Variants in CYP4B1 observed in about 807,000 individuals in gnomAD.
CYP4B1 encodes the protein cytochrome P450 4B1.
Under a neutral mutation model 54.0 loss-of-function variants are expected in CYP4B1, and 45 were observed. The ratio of observed to expected loss-of-function variants is 0.83; its 90% CI spans 0.66 to 1.07. The LOEUF is 1.07. CYP4B1 is among the 50% of genes least tolerant of loss of function. The pLI, the probability that CYP4B1 is intolerant of heterozygous loss-of-function variation, is 0.00. For missense variants in CYP4B1, 656 were observed against 655.4 expected (o/e 1.00, Z -0.01); for synonymous variants, 248 against 247.5 (o/e 1.00, Z -0.02).
At position 46,817,036 on chromosome 1, in the gene CYP4B1, T is replaced by C. The variant is rs1679361324; in HGVS notation, c.1074-12T>C. On this transcript the variant is annotated splice_polypyrimidine_tract_variant and intron_variant, in intron 8 of 11. Transcript: ENST00000371923. ...TCCCATTCCAAGAATGTTCTGGTTG[T>C]GTTGCTGGCAGGGATGATCTGGGCA... is the stretch of plus-strand genomic sequence containing the variant. 6.2e-7 allele frequency: 1 copy of C among 1,613,304 alleles called. No homozygotes were observed. The highest frequency in any genetic ancestry group is 8.5e-7 in the Non-Finnish European group (1 of 1,179,396).
At chr1:46,800,618 C>T (rs914262946) in intron 1 of CYP4B1, among the ~76,000 whole-genome samples, 3 of 152,142 alleles carry the variant, frequency 2.0e-5, no homozygotes, top group Non-Finnish European at 4.4e-5. Context: ...GTGTGAGCCA[C>T]CGCGCCTGGC....
intron 4 of CYP4B1, 65 bp from the exon 5 acceptor site, chr1:46,813,417 G>T: frequency 6.2e-7 from 1 of 1,608,142 alleles, no homozygotes. Flanking sequence ...GGGCAGCTTG[G>T]GGCATCCAGC....
intron 1 of CYP4B1, among the ~76,000 whole-genome samples, chr1:46,800,596 C>A (rs1678618143): frequency 6.6e-6 from 1 of 152,060 alleles, no homozygotes; most frequent in Non-Finnish European, 1.5e-5. Flanking sequence ...TCCCAAAGTG[C>A]TGGGATTATA....
chr1:46,806,358 G>A (rs1308251448), intron 1 of CYP4B1, among the ~76,000 whole-genome samples: 1 of 152,192 alleles, frequency 6.6e-6, no homozygotes, highest in East Asian at 1.9e-4. Flanking sequence ...GCAGCCCCCT[G>A]GGGCACTGTA....
Position 46,818,722 on chromosome 1 carries a change from C to T in CYP4B1, c.1447C>T (p.Arg483Trp), listed in dbSNP as rs780850977. 2.6e-5 allele frequency: 42 copies of T among 1,614,062 alleles called. No homozygotes were observed. Among genetic ancestry groups the T allele is most frequent in the South Asian group, 1.4e-4 (13 of 91,084 alleles). Residue 483 changes from arginine to tryptophan, a missense_variant, in exon 12 of 12, where the codon CGG becomes TGG. Arg to Trp is a moderately radical substitution (Grantham distance 101). Transcript: ENST00000371923. Reference protein sequence around the residue: ...LRFEFSLDPSRLPIKMPQLVL... With the variant: ...LRFEFSLDPSWLPIKMPQLVL... ...CTTTGAGTTCTCTCTGGACCCCTCA[C>T]GGCTGCCCATCAAGATGCCCCAGCT...
intron 1 of CYP4B1, among the ~76,000 whole-genome samples, chr1:46,800,719 A>G (rs1184213036): frequency 6.6e-6 from 1 of 152,114 alleles, no homozygotes; most frequent in Non-Finnish European, 1.5e-5. Context: ...GGATGGGGGC[A>G]CTGCTTCTCT....
intron 8 of CYP4B1, 97 bp from the exon 9 acceptor site, chr1:46,816,948 TGTG>T: frequency 1.4e-5 from 19 of 1,355,710 alleles, no homozygotes; most frequent in Admixed American, 1.8e-5. Flanking sequence ...CTCTTGAGTG[TGTG>T]GTGGTGGTGA....
intron 1 of CYP4B1, among the ~76,000 whole-genome samples, chr1:46,802,815 C>T (rs557153240): frequency 3.3e-5 from 5 of 152,086 alleles, no homozygotes; most frequent in African/African-American, 7.2e-5. Flanking sequence ...CCCCTCTCGG[C>T]GTGGGGAGTC....
chr1:46,813,510 G>A lies in CYP4B1; in HGVS notation c.524G>A (p.Gly175Asp). 6.2e-7 allele frequency: 1 copy of A among 1,614,178 alleles called. No homozygotes were observed. Among genetic ancestry groups the A allele is most frequent in the Non-Finnish European group, 8.5e-7 (1 of 1,180,038 alleles). Residue 175 changes from glycine to aspartate, a missense_variant, in exon 5 of 12, where the codon GGT becomes GAT. Coordinates refer to ENST00000371923, the MANE Select transcript of CYP4B1 (RefSeq NM_001099772.2). ...AAGTGGGAAGAGAAAGCTCGGGAGG[G>A]TAAGTCCTTTGACATCTTCTGCGAT... ...LDKWEEKARE[G>D]KSFDIFCDVG...
Position 46,818,758 on chromosome 1 carries a change from T to C in CYP4B1, c.1483T>C (p.Ser495Pro). The change falls in exon 12 of 12, where the codon TCC (serine) becomes CCC (proline). Residue 495 changes from serine to proline, a missense_variant. Coordinates refer to ENST00000371923, the MANE Select transcript of CYP4B1 (RefSeq NM_001099772.2). Reference protein sequence around the residue: ...PIKMPQLVLRSKNGFHLHLKP... With the variant: ...PIKMPQLVLRPKNGFHLHLKP... Reference sequence around the variant, plus strand: ...CAAGATGCCCCAGCTTGTCCTGCGCTCCAAGAATGGCTTTCACCTCCACCT... The same window carrying C: ...CAAGATGCCCCAGCTTGTCCTGCGCCCCAAGAATGGCTTTCACCTCCACCT... 6.2e-7 allele frequency: 1 copy of C among 1,614,008 alleles called. No homozygotes were observed. The highest frequency in any genetic ancestry group is 8.5e-7 in the Non-Finnish European group (1 of 1,179,960).
At chr1:46,810,561 G>A (rs1445113927) in intron 1 of CYP4B1, among the ~76,000 whole-genome samples, 1 of 152,218 alleles carries the variant, frequency 6.6e-6, no homozygotes, top group Non-Finnish European at 1.5e-5. Flanking sequence ...AATGGAAGCA[G>A]GTTGGCTACT....
At position 46,815,098 on chromosome 1, in the gene CYP4B1, G is replaced by T. The variant is rs1679281356; in HGVS notation, c.907G>T (p.Asp303Tyr). The T allele has an allele frequency of 6.2e-7, 1 of 1,614,032 alleles. No individual in the cohort carries two copies. The highest frequency in any genetic ancestry group is 1.3e-5 in the African/African-American group (1 of 74,926). Residue 303 changes from aspartate (D) to tyrosine (Y), a missense_variant, in exon 8 of 12, where the codon GAT becomes TAT. Asp to Tyr is a radical substitution (Grantham distance 160, BLOSUM62 -3). Transcript: ENST00000371923. The part of the protein sequence containing the change: ...ARDEDDIKLS[D>Y]ADLRAEVDTF... ...GGATGAAGATGACATCAAACTGTCA[G>T]ATGCAGACCTCCGGGCTGAAGTGGA...
At position 46,800,219 on chromosome 1, in the gene CYP4B1, T is replaced by C. The variant is rs10158419; in HGVS notation, c.180+958T>C. Among the ~76,000 whole-genome samples the C allele has an allele frequency of 7.6e-4, 9 of 11,916 alleles. 1 individual carries two copies. The highest frequency in any genetic ancestry group is 2.0e-3 in the Non-Finnish European group (5 of 2,546). The allele number at this position is 11,916 out of a possible 152,430, so 7.8% of individuals were successfully genotyped here. A position where few individuals can be genotyped will look rare whatever the true frequency, so the allele number is the denominator to read the frequency against. ...TTTCTCTTTCTTTCTTTCTTTCTCTTTCTCTCTTTCTTTCTTTCTTTCCTT... is the reference window on the plus strand; with the variant it reads ...TTTCTCTTTCTTTCTTTCTTTCTCTCTCTCTCTTTCTTTCTTTCTTTCCTT... On this transcript the variant is annotated intron_variant, in intron 1 of 11. Coordinates refer to ENST00000371923, the MANE Select transcript of CYP4B1 (RefSeq NM_001099772.2).
intron 3 of CYP4B1, among the ~76,000 whole-genome samples, chr1:46,811,433 G>A (rs546283385): frequency 1.1e-3 from 165 of 152,350 alleles, no homozygotes; most frequent in African/African-American, 3.9e-3. Flanking sequence ...ATGTGTGAGT[G>A]CGAAGAACAG....
intron 11 of CYP4B1, 38 bp downstream of exon 11, chr1:46,818,251 G>C: frequency 6.4e-7 from 1 of 1,569,854 alleles, no homozygotes; most frequent in Non-Finnish European, 8.8e-7. Flanking sequence ...CTCAGGACTG[G>C]GGAGGAGAGG....
Position 46,816,966 on chromosome 1 carries a change from G to C in CYP4B1, c.1074-82G>C. The C allele has an allele frequency of 3.3e-6, 5 of 1,533,766 alleles. No homozygotes were observed. In the South Asian group the frequency reaches 6.0e-5, roughly 18 times the overall value. ...TTGAGTGTGTGGTGGTGGTGAGGGA[G>C]GAAAACTGGGGCTGGGGTCTGCTTT... On this transcript the variant is annotated intron_variant, in intron 8 of 11. Coordinates refer to ENST00000371923, the MANE Select transcript of CYP4B1 (RefSeq NM_001099772.2).
chr1:46,817,093 G>C lies in CYP4B1; in HGVS notation c.1119G>C (p.Glu373Asp), dbSNP rs775948977. 1 of 1,614,192 alleles carries C rather than the reference G, an allele frequency of 6.2e-7. No individual in the cohort carries two copies. Among genetic ancestry groups the C allele is most frequent in the South Asian group, 1.1e-5 (1 of 91,084 alleles). Residue 373 changes from glutamate (E) to aspartate (D), a missense_variant, in exon 9 of 12, where the codon GAG (glutamate) becomes GAC (aspartate). By Grantham distance (45) the Glu-to-Asp change is conservative. Coordinates refer to ENST00000371923, the MANE Select transcript of CYP4B1 (RefSeq NM_001099772.2). ...CTTATCTGACCATGTGCATCAAGGA[G>C]AGCTTCCGCCTCTACCCACCTGTGC... ...KMTYLTMCIKESFRLYPPVPQ... is the reference protein window; with the variant it reads ...KMTYLTMCIKDSFRLYPPVPQ...
At chr1:46,800,231 T>C (rs904084303) in intron 1 of CYP4B1, among the ~76,000 whole-genome samples, 2 of 56,718 alleles carry the variant, frequency 3.5e-5, no homozygotes, top group South Asian at 6.9e-4. Flanking sequence ...CTCTCTTTCT[T>C]TCTTTCTTTC....
At chr1:46,810,128 C>A (rs554507705) in intron 1 of CYP4B1, among the ~76,000 whole-genome samples, 1 of 152,294 alleles carries the variant, frequency 6.6e-6, no homozygotes, top group Admixed American at 6.5e-5. Flanking sequence ...CTTCACATGG[C>A]CAGAGACTCA....
Sources: gnomAD v4.1 joint callset for allele counts (sites outside exome capture counted in the v4.1 genomes callset) on GRCh38, gnomAD v4.1.1 for gene constraint, MANE v1.5 for transcripts, NCBI Gene and HGNC (gene_info 2026-07-23, HGNC 2026-07-21) for gene names.